Variants in CDH13 observed in about 807,000 individuals in gnomAD.
CDH13 encodes the protein cadherin 13.
CDH13 carries 24 observed loss-of-function variants against 63.8 expected under a neutral mutation model. The observed-to-expected ratio is 0.38, with a 90% CI of 0.27 to 0.53. The LOEUF is 0.53. CDH13 is among the 20% of genes least tolerant of loss of function. CDH13 has a pLI of 0.85. For missense variants in CDH13, 1,049 were observed against 903.1 expected, an observed-to-expected ratio of 1.16 and a Z score of -2.07; for synonymous variants, 503 against 355.3, an observed-to-expected ratio of 1.42 and a Z score of -4.67.
Position 83,050,178 on chromosome 16 carries a change from G to A in CDH13, c.366+17960G>A, listed in dbSNP as rs116416340. 1.7e-3 allele frequency among the ~76,000 whole-genome samples: 265 copies of A among 152,100 alleles called. 1 individual carries two copies. Among genetic ancestry groups the A allele is most frequent in the African/African-American group, 6.0e-3 (247 of 41,494 alleles). On this transcript the variant is annotated intron_variant, in intron 3 of 13. Transcript: ENST00000567109. ...CTTATTGACCACAGCAGCCAGACCC[G>A]GGCCTCCTTCTGCCTACTGTCGCCA...
intron 2 of CDH13, among the ~76,000 whole-genome samples, chr16:82,946,901 A>C (rs1904782145): frequency 6.6e-6 from 1 of 152,172 alleles, no homozygotes; most frequent in Non-Finnish European, 1.5e-5. Context: ...TCTGCATTTA[A>C]AATGCATATA....
chr16:83,767,928 G>T (rs1348481964), intron 11 of CDH13, among the ~76,000 whole-genome samples: 4 of 152,058 alleles, frequency 2.6e-5, no homozygotes, highest in Non-Finnish European at 5.9e-5. Context: ...AGTGGTGATG[G>T]TCGCACAACT....
At chr16:82,872,293 T>A (rs2040367856) in intron 2 of CDH13, among the ~76,000 whole-genome samples, 1 of 152,334 alleles carries the variant, frequency 6.6e-6, no homozygotes, top group Non-Finnish European at 1.5e-5. Context: ...ATTGCTTAAT[T>A]AAGACTATCA....
At chr16:83,031,880 T>C in intron 2 of CDH13, 130 bp from the exon 3 acceptor site, 1 of 719,252 alleles carries the variant, frequency 1.4e-6, no homozygotes, top group East Asian at 2.7e-5. Flanking sequence ...TGCTGTGGGA[T>C]AAAACGTAAC....
chr16:83,150,840 A>T (rs1567879806), intron 4 of CDH13, among the ~76,000 whole-genome samples: 1 of 152,178 alleles, frequency 6.6e-6, no homozygotes, highest in Non-Finnish European at 1.5e-5. Flanking sequence ...AACAACCTGC[A>T]TGACTGGCCC....
intron 7 of CDH13, among the ~76,000 whole-genome samples, chr16:83,517,912 T>G (rs2074736692): frequency 6.6e-6 from 1 of 152,098 alleles, no homozygotes; most frequent in Non-Finnish European, 1.5e-5. Flanking sequence ...GAGGTCGATA[T>G]TATTATCGTT....
intron 3 of CDH13, among the ~76,000 whole-genome samples, chr16:83,033,010 T>C (rs1430895004): frequency 6.6e-6 from 1 of 152,224 alleles, no homozygotes; most frequent in African/African-American, 2.4e-5. Context: ...ATATACCACA[T>C]GTATGTATAT....
chr16:82,795,700 A>T (rs962074639), intron 1 of CDH13, among the ~76,000 whole-genome samples: 1 of 152,226 alleles, frequency 6.6e-6, no homozygotes, highest in East Asian at 1.9e-4. Context: ...TAACCACCCT[A>T]TTGACCCAGT....
In CDH13 at chr16:83,176,018, TG is replaced by T. The variant is rs201999294; in HGVS notation, c.484-41326del. Among the ~76,000 whole-genome samples, 269 of 150,640 alleles carry T rather than the reference TG, an allele frequency of 1.8e-3. 1 individual carries two copies. The highest frequency in any genetic ancestry group is 6.2e-3 in the African/African-American group (257 of 41,202). ...TAATTTTTGTTTTTGTTTTTGTTTT[TG>T]TTTTTTTTTCAGTAGAGACGGGGTT... On this transcript the variant is annotated intron_variant, in intron 4 of 13. Coordinates refer to ENST00000567109, the MANE Select transcript of CDH13 (RefSeq NM_001257.5).
intron 2 of CDH13, among the ~76,000 whole-genome samples, chr16:83,029,409 A>G (rs1916102732): frequency 6.6e-6 from 1 of 152,198 alleles, no homozygotes; most frequent in Admixed American, 6.5e-5. Context: ...AATAGTCCAG[A>G]TACCAGTCGA....
intron 1 of CDH13, among the ~76,000 whole-genome samples, chr16:82,745,421 G>A (rs1021725946): frequency 6.6e-5 from 10 of 152,102 alleles, no homozygotes; most frequent in African/African-American, 1.9e-4. Flanking sequence ...AAGAAAATAC[G>A]GTGAAACCCC....
intron 5 of CDH13, among the ~76,000 whole-genome samples, chr16:83,247,563 C>G (rs768093475): frequency 3.5e-4 from 53 of 152,128 alleles, no homozygotes; most frequent in Non-Finnish European, 6.9e-4. Flanking sequence ...ACTCCCCACC[C>G]TCATGAAATC....
intron 2 of CDH13, among the ~76,000 whole-genome samples, chr16:83,006,100 A>G (rs1229561400): frequency 1.3e-5 from 2 of 152,226 alleles, no homozygotes; most frequent in Non-Finnish European, 2.9e-5. Context: ...CAGTTGCACA[A>G]TACTGGCGTC....
At chr16:83,195,485 G>A (rs2038851569) in intron 4 of CDH13, among the ~76,000 whole-genome samples, 1 of 152,090 alleles carries the variant, frequency 6.6e-6, no homozygotes, top group African/African-American at 2.4e-5. Flanking sequence ...TTACAGGGCA[G>A]GAGCAGGACC....
chr16:83,051,018 C>T (rs1223259549), intron 3 of CDH13, among the ~76,000 whole-genome samples: 1 of 152,192 alleles, frequency 6.6e-6, no homozygotes, highest in Admixed American at 6.5e-5. Flanking sequence ...ACATCATTTC[C>T]TCTTATCCAG....
chr16:82,694,315 A>G (rs987072845), intron 1 of CDH13, among the ~76,000 whole-genome samples: 1 of 152,212 alleles, frequency 6.6e-6, no homozygotes, highest in African/African-American at 2.4e-5. Flanking sequence ...ACTTTTGATA[A>G]AATGTGACAG....
In CDH13 at chr16:83,063,991, C is replaced by T. The variant is rs1470467794; in HGVS notation, c.366+31773C>T. 3.9e-5 allele frequency among the ~76,000 whole-genome samples: 6 copies of T among 152,074 alleles called. 1 individual carries two copies. In the South Asian group the frequency reaches 1.2e-3, roughly 32 times the overall value. On this transcript the variant is annotated intron_variant, in intron 3 of 13. Transcript: ENST00000567109. ...AAGTATGAAAAATTTGTAAGATGTCCAAGCGGAGATGCCAGAAAAAGTCAG... is the reference window on the plus strand; with the variant it reads ...AAGTATGAAAAATTTGTAAGATGTCTAAGCGGAGATGCCAGAAAAAGTCAG...
rs938124935 is a variant in CDH13 at position 83,084,510 on chromosome 16, A to G, written c.367-40875A>G. Among the ~76,000 whole-genome samples, 13 of 152,310 alleles carry G rather than the reference A, an allele frequency of 8.5e-5. No individual in the cohort carries two copies. The South Asian group carries it at 1.0e-3, about 12-fold the overall frequency. On this transcript the variant is annotated intron_variant, in intron 3 of 13. Coordinates refer to ENST00000567109, the MANE Select transcript of CDH13 (RefSeq NM_001257.5). ...CCTTTGAACTTTCAAGATTATGGGGAAAAAATGTACTTATTTTCTCAATCA... is the reference window on the plus strand; with the variant it reads ...CCTTTGAACTTTCAAGATTATGGGGGAAAAATGTACTTATTTTCTCAATCA...
At chr16:83,146,212 AAAAG>A (rs1468884958) in intron 4 of CDH13, among the ~76,000 whole-genome samples, 1 of 148,340 alleles carries the variant, frequency 6.7e-6, no homozygotes, top group Middle Eastern at 3.2e-3. Context: ...AAAAAAAAAG[AAAAG>A]AAAAGGAAGG....
Sources: gnomAD v4.1 joint callset for allele counts (sites outside exome capture counted in the v4.1 genomes callset) on GRCh38, gnomAD v4.1.1 for gene constraint, MANE v1.5 for transcripts, NCBI Gene and HGNC (gene_info 2026-07-23, HGNC 2026-07-21) for gene names.